Variants in TRIM66 observed in about 807,000 individuals in gnomAD.
The protein encoded by TRIM66 is tripartite motif containing 66.
TRIM66 carries 99 observed loss-of-function variants against 148.2 expected under a neutral mutation model. That is an observed-to-expected ratio of 0.67 (90% CI 0.57 to 0.79). TRIM66 has a LOEUF of 0.79. TRIM66 is among the 30% of genes least tolerant of loss of function. TRIM66 has a pLI of 0.00. For synonymous variants in TRIM66, 616 were observed against 635.9 expected, an observed-to-expected ratio of 0.97 and a Z score of 0.47; for missense variants, 1,666 against 1,697.9, an observed-to-expected ratio of 0.98 and a Z score of 0.33.
chr11:8,627,842 C>T (rs2035001275), intron 15 of TRIM66, among the ~76,000 whole-genome samples: 1 of 152,092 alleles, frequency 6.6e-6, no homozygotes, highest in Non-Finnish European at 1.5e-5. Flanking sequence ...TTTTGTTTTT[C>T]TGAACAGGGT....
intron 10 of TRIM66, among the ~76,000 whole-genome samples, chr11:8,647,006 T>C (rs1592125923): frequency 6.6e-6 from 1 of 150,722 alleles, no homozygotes; most frequent in Middle Eastern, 3.6e-3. Flanking sequence ...AATGTTTATA[T>C]TATTGGCATA....
At chr11:8,672,167 C>T in intron 5 of TRIM66, 69 bp from the exon 6 acceptor site, 2 of 1,531,656 alleles carry the variant, frequency 1.3e-6, no homozygotes, top group Non-Finnish European at 1.7e-6. Context: ...GCCAGAGGGG[C>T]CTTCGAGAAC....
chr11:8,630,857 G>A (rs1055053407), intron 15 of TRIM66, among the ~76,000 whole-genome samples: 6 of 151,972 alleles, frequency 3.9e-5, no homozygotes, highest in Admixed American at 2.6e-4. Context: ...CCTGACCTAC[G>A]ACTTCCCTGA....
At chr11:8,639,985 G>C (rs771006166) in intron 14 of TRIM66, among the ~76,000 whole-genome samples, 1 of 152,186 alleles carries the variant, frequency 6.6e-6, no homozygotes, top group Non-Finnish European at 1.5e-5. Flanking sequence ...ACAGGGCTAA[G>C]CCAAGCTACT....
intron 3 of TRIM66, among the ~76,000 whole-genome samples, chr11:8,676,214 G>C (rs1190029039): frequency 6.6e-6 from 1 of 151,648 alleles, no homozygotes; most frequent in African/African-American, 2.4e-5. Flanking sequence ...ATCATGGATG[G>C]ACATTCTTAA....
At chr11:8,680,703 A>G (rs1592226889) in intron 1 of TRIM66, 3 of 152,298 alleles carry the variant, frequency 2.0e-5, no homozygotes, top group African/African-American at 7.2e-5. Flanking sequence ...TTAAGTGACC[A>G]TATGGGTGTG....
intron 9 of TRIM66, 129 bp from the exon 10 acceptor site, chr11:8,648,215 GTCTAAGGCACCACAGGC>G: frequency 8.6e-7 from 1 of 1,157,808 alleles, no homozygotes; most frequent in Admixed American, 2.2e-5. Flanking sequence ...TCTAGGGAAA[GTCTAAGGCACCACAGGC>G]TCTTGGCCCA....
intron 6 of TRIM66, among the ~76,000 whole-genome samples, chr11:8,656,672 C>T (rs575403759): frequency 5.9e-5 from 9 of 152,352 alleles, no homozygotes; most frequent in African/African-American, 2.2e-4. Context: ...AAAAATTCCC[C>T]AGGCGAATAC....
intron 15 of TRIM66, among the ~76,000 whole-genome samples, chr11:8,633,939 T>C (rs897678688): frequency 2.0e-5 from 3 of 152,168 alleles, no homozygotes; most frequent in African/African-American, 7.2e-5. Context: ...TATCCTTTAC[T>C]CCTCTGTATC....
intron 3 of TRIM66, among the ~76,000 whole-genome samples, chr11:8,676,629 T>C (rs748871753): frequency 6.6e-6 from 1 of 152,226 alleles, no homozygotes; most frequent in Non-Finnish European, 1.5e-5. Context: ...TCCATGAAAG[T>C]AAATGGTTAA....
rs1002830583 is a variant in TRIM66 at position 8,638,929 on chromosome 11, A to G, written c.2149-114T>C. 7.1e-6 allele frequency: 8 copies of G among 1,120,252 alleles called. No homozygotes were observed. In the Admixed American group the frequency reaches 2.3e-4, roughly 33 times the overall value. The allele number at this position is 1,120,252 out of a possible 1,614,324, so 69.4% of individuals were successfully genotyped here. ...CCATGTGCATCATCACCACTTGCAC[A>G]TTGTGGACTGCTTAAACGTTTTCCA... On this transcript the variant is annotated intron_variant, in intron 14 of 24. Coordinates refer to ENST00000646038, the MANE Select transcript of TRIM66 (RefSeq NM_001388022.1).
At chr11:8,669,426 T>C (rs2038797484) in intron 6 of TRIM66, among the ~76,000 whole-genome samples, 1 of 152,114 alleles carries the variant, frequency 6.6e-6, no homozygotes, top group African/African-American at 2.4e-5. Context: ...GGCAGGTCAC[T>C]TGAGGTCAGG....
At chr11:8,671,415 CA>C (rs1422575287) in intron 6 of TRIM66, among the ~76,000 whole-genome samples, 1 of 152,192 alleles carries the variant, frequency 6.6e-6, no homozygotes, top group Non-Finnish European at 1.5e-5. Context: ...TGATTCTATT[CA>C]AAATCTGTTC....
At chr11:8,639,083 T>C (rs1368928855) in intron 14 of TRIM66, among the ~76,000 whole-genome samples, 2 of 152,240 alleles carry the variant, frequency 1.3e-5, no homozygotes, top group Admixed American at 1.3e-4. Context: ...TAACCTAGTT[T>C]TGACTTACAT....
chr11:8,674,521 A>G (rs573040125), intron 4 of TRIM66, among the ~76,000 whole-genome samples: 2 of 152,254 alleles, frequency 1.3e-5, no homozygotes, highest in East Asian at 1.9e-4. Flanking sequence ...CTAGCACTAT[A>G]GGCATGTGCC....
At chr11:8,666,002 T>C (rs1348562712) in intron 6 of TRIM66, among the ~76,000 whole-genome samples, 1 of 151,518 alleles carries the variant, frequency 6.6e-6, no homozygotes, top group East Asian at 1.9e-4. Flanking sequence ...AACGTAAATG[T>C]GGAAGGTAAC....
chr11:8,676,215 A>G (rs1395231819), intron 3 of TRIM66, among the ~76,000 whole-genome samples: 1 of 152,134 alleles, frequency 6.6e-6, no homozygotes, highest in African/African-American at 2.4e-5. Flanking sequence ...TCATGGATGG[A>G]CATTCTTAAG....
intron 22 of TRIM66, 118 bp from the exon 23 acceptor site, chr11:8,619,653 G>A: frequency 1.2e-5 from 12 of 972,114 alleles, no homozygotes; most frequent in Non-Finnish European, 1.8e-5. Flanking sequence ...AGAATAGGAA[G>A]AGGAATGATG....
chr11:8,671,901 C>A lies in TRIM66; in HGVS notation c.225G>T (p.Leu75=), dbSNP rs1420888637. 11 of 1,536,046 alleles carry A rather than the reference C, an allele frequency of 7.2e-6. No homozygotes were observed. Among genetic ancestry groups the A allele is most frequent in the Non-Finnish European group, 9.6e-6 (11 of 1,146,926 alleles). ...ATAGGAGATGAGAGCCCATACCTGG[C>A]AGGTCCTGATGGCACAATGAGCAGG... The part of the protein sequence containing the change: ...VMTCSLCHQD[L]PGMGSHLLSC... Residue 75 remains leucine, a synonymous_variant, in exon 6 of 25, where the codon CTG becomes CTT. Transcript: ENST00000646038.
Sources: gnomAD v4.1 joint callset for allele counts (sites outside exome capture counted in the v4.1 genomes callset) on GRCh38, gnomAD v4.1.1 for gene constraint, MANE v1.5 for transcripts, NCBI Gene and HGNC (gene_info 2026-07-23, HGNC 2026-07-21) for gene names.